Variants in CLCN5 observed in about 807,000 individuals in gnomAD.
The protein encoded by CLCN5 is Cl-/H+ antiporter 5, also known as H(+)/Cl(-) exchange transporter 5.
In CLCN5, 17 loss-of-function variants were observed where a neutral mutation model predicts 54.0. That is an observed-to-expected ratio of 0.31 (90% CI 0.22 to 0.47). The LOEUF (loss-of-function observed/expected upper bound fraction) is 0.47, where lower values mean the gene tolerates loss of function less well. Ranked by LOEUF, CLCN5 falls within the 20% of genes least tolerant of loss-of-function variation. The probability of loss-of-function intolerance (pLI) is 1.00; values close to 1 mark genes in which losing one functional copy is unlikely to be tolerated. For missense variants in CLCN5, 448 were observed against 646.7 expected, an observed-to-expected ratio of 0.69 and a Z score of 3.33; for synonymous variants, 222 against 233.0, an observed-to-expected ratio of 0.95 and a Z score of 0.43.
At chrX:49,957,670 G>A (rs1436865194) in intron 3 of CLCN5, among the ~76,000 whole-genome samples, 1 of 111,868 alleles carries the variant, frequency 8.9e-6, no homozygotes, top group Non-Finnish European at 1.9e-5. Context: ...TTCTAACTTG[G>A]TGGTATTTCA....
chrX:50,085,827 G>A (rs782559538), intron 9 of CLCN5, among the ~76,000 whole-genome samples, 153 bp from the exon 10 acceptor site: 4 of 111,922 alleles, frequency 3.6e-5, no homozygotes. Context: ...TCAAAATTCA[G>A]CATACAGTGT....
chrX:49,946,093 TAAATATC>T (rs1161355446), intron 3 of CLCN5, among the ~76,000 whole-genome samples: 1 of 112,179 alleles, frequency 8.9e-6, no homozygotes, highest in African/African-American at 3.2e-5. Context: ...TGCCTTTACT[TAAATATC>T]AATGTAATTA....
intron 4 of CLCN5, among the ~76,000 whole-genome samples, chrX:50,044,596 T>C (rs1932333027): frequency 9.0e-6 from 1 of 110,925 alleles, no homozygotes; most frequent in South Asian, 3.9e-4. Flanking sequence ...TTGGTTCTTA[T>C]AGGTTTGGGA....
chrX:49,932,921 G>C (rs781947017), intron 3 of CLCN5, among the ~76,000 whole-genome samples: 9 of 112,095 alleles, frequency 8.0e-5, no homozygotes, highest in Non-Finnish European at 1.7e-4. Context: ...TAAACACTCT[G>C]GTGATTTAGC....
rs1258076946 is a variant in CLCN5 at position 49,922,604 on chromosome X, C to T, written c.-393C>T. 1 of 113,006 alleles carries T rather than the reference C, an allele frequency of 8.8e-6. No homozygotes were observed. The allele number at this position is 113,006 out of a possible 1,213,427, so 9.3% of individuals were successfully genotyped here. A position where few individuals can be genotyped will look rare whatever the true frequency, so the allele number is the denominator to read the frequency against. On this transcript the variant is annotated 5_prime_UTR_variant, in exon 1 of 15. Coordinates refer to ENST00000376091, the MANE Select transcript of CLCN5 (RefSeq NM_001127898.4). ...GCTGGCTGGGCTGAGCCGATACTCGCGAGGCGCCCTGTCACATGAGCCGCG... is the reference window on the plus strand; with the variant it reads ...GCTGGCTGGGCTGAGCCGATACTCGTGAGGCGCCCTGTCACATGAGCCGCG...
chrX:49,950,749 C>T (rs1927005117), intron 3 of CLCN5, among the ~76,000 whole-genome samples: 1 of 110,685 alleles, frequency 9.0e-6, no homozygotes. Flanking sequence ...TATTTATATA[C>T]ACTTGAAATA....
chrX:49,944,036 G>A (rs1557171515), intron 3 of CLCN5, among the ~76,000 whole-genome samples: 1 of 111,921 alleles, frequency 8.9e-6, no homozygotes, highest in Non-Finnish European at 1.9e-5. Context: ...CTATCCATGA[G>A]CATGGAATGT....
intron 3 of CLCN5, among the ~76,000 whole-genome samples, chrX:49,993,507 A>G (rs782630576): frequency 2.1e-4 from 24 of 111,985 alleles, no homozygotes; most frequent in Non-Finnish European, 4.1e-4. Flanking sequence ...AAATAAGAGC[A>G]GAGGTTTTAC....
At chrX:49,963,479 GTACTT>G (rs1927704745) in intron 3 of CLCN5, among the ~76,000 whole-genome samples, 1 of 111,856 alleles carries the variant, frequency 8.9e-6, no homozygotes, top group Admixed American at 9.5e-5. Flanking sequence ...TCTTTTGAAG[GTACTT>G]TACTTGTTAT....
At chrX:50,007,876 C>T (rs1215390282) in intron 3 of CLCN5, among the ~76,000 whole-genome samples, 1 of 111,866 alleles carries the variant, frequency 8.9e-6, no homozygotes. Context: ...AAAATCAGGT[C>T]GATTCTCTAG....
chrX:50,026,301 T>C (rs1161701744), intron 3 of CLCN5, among the ~76,000 whole-genome samples: 3 of 111,925 alleles, frequency 2.7e-5, no homozygotes, highest in Non-Finnish European at 5.6e-5. Context: ...TTTTCTGTCT[T>C]AGTGAATGTT....
chrX:49,974,265 T>G (rs782445530), intron 3 of CLCN5, among the ~76,000 whole-genome samples: 1 of 112,021 alleles, frequency 8.9e-6, no homozygotes, highest in Admixed American at 9.5e-5. Flanking sequence ...GTTCCTAGAT[T>G]AGTATAAATG....
At chrX:50,009,529 C>T (rs1930380882) in intron 3 of CLCN5, among the ~76,000 whole-genome samples, 1 of 111,856 alleles carries the variant, frequency 8.9e-6, no homozygotes, top group Non-Finnish European at 1.9e-5. Context: ...ATCTTTCATT[C>T]TAGTCTGAGG....
intron 3 of CLCN5, among the ~76,000 whole-genome samples, chrX:50,029,091 T>C (rs188703960): frequency 1.3e-3 from 148 of 112,422 alleles, no homozygotes; most frequent in Non-Finnish European, 2.3e-3. Flanking sequence ...TATTTCCTTA[T>C]ATTTGTGTTG....
At chrX:49,965,326 G>GT (rs1461301810) in intron 3 of CLCN5, among the ~76,000 whole-genome samples, 2 of 111,810 alleles carry the variant, frequency 1.8e-5, no homozygotes, top group African/African-American at 6.5e-5. Flanking sequence ...ATATTTTGTA[G>GT]TTTTCAGTGT....
intron 3 of CLCN5, among the ~76,000 whole-genome samples, chrX:50,027,103 C>T (rs1931444963): frequency 9.2e-6 from 1 of 108,549 alleles, no homozygotes; most frequent in Non-Finnish European, 1.9e-5. Context: ...CAACCTCTGC[C>T]TCCTGGGTTC....
chrX:49,977,617 T>C (rs1228811072), intron 3 of CLCN5, among the ~76,000 whole-genome samples: 2 of 111,883 alleles, frequency 1.8e-5, no homozygotes, highest in Non-Finnish European at 3.8e-5. Context: ...CAGACTAATA[T>C]GTAGTCATTA....
rs181879098 is a variant in CLCN5 at position 50,077,687 on chromosome X, T to C, written c.603+1705T>C. On this transcript the variant is annotated intron_variant, in intron 7 of 14. Transcript: ENST00000376091. ...CTTGCTTTTGGGGGGATTCTTTTAT[T>C]TTAAATGTAATTGGCCAGGCGCGGT... 4.0e-3 allele frequency among the ~76,000 whole-genome samples: 405 copies of C among 101,815 alleles called. 6 individuals carry two copies. The highest frequency in any genetic ancestry group is 0.037 in the South Asian group (78 of 2,111). The allele number at this position is 101,815 out of a possible 115,157, so 88.4% of individuals were successfully genotyped here.
intron 9 of CLCN5, among the ~76,000 whole-genome samples, chrX:50,083,356 G>A (rs1438072702): frequency 1.8e-5 from 2 of 111,684 alleles, no homozygotes; most frequent in Non-Finnish European, 3.8e-5. Context: ...TGAGTAGATT[G>A]TTTAACTACC....
Sources: gnomAD v4.1 joint callset for allele counts (sites outside exome capture counted in the v4.1 genomes callset) on GRCh38, gnomAD v4.1.1 for gene constraint, MANE v1.5 for transcripts, NCBI Gene and HGNC (gene_info 2026-07-23, HGNC 2026-07-21) for gene names.